RASGRF2: variants seen among roughly 807,000 people sequenced by gnomAD.
RASGRF2 encodes ras-specific guanine nucleotide-releasing factor 2.
Under a neutral mutation model 151.0 loss-of-function variants are expected in RASGRF2, and 76 were observed. That is an observed-to-expected ratio of 0.50 (90% confidence interval 0.42 to 0.61). The LOEUF is 0.61. Among genes scored for constraint, RASGRF2 ranks in the 20% least tolerant of loss-of-function variants. The pLI, the probability that RASGRF2 is intolerant of heterozygous loss-of-function variation, is 0.00. For synonymous variants in RASGRF2, 504 were observed against 566.5 expected, an observed-to-expected ratio of 0.89 and a Z score of 1.57; for missense variants, 1,148 against 1,564.6, an observed-to-expected ratio of 0.73 and a Z score of 4.49.
intron 15 of RASGRF2, 44 bp from the exon 16 acceptor site, chr5:81,123,598 G>C: frequency 6.3e-7 from 1 of 1,593,374 alleles, no homozygotes; most frequent in Non-Finnish European, 8.6e-7. Flanking sequence ...AGAAGCTCTT[G>C]AATTCATGGC....
rs772048877 is a variant in RASGRF2 at position 80,960,723 on chromosome 5, C to T, written c.-16C>T. On this transcript the variant is annotated 5_prime_UTR_variant, in exon 1 of 27. Coordinates refer to ENST00000265080, the MANE Select transcript of RASGRF2 (RefSeq NM_006909.3). This position sits in a 1 kb window ranked among gnomAD's most constrained non-coding sequence, Gnocchi z 5.5. ...GTGAGACCGGCGGCCACCCGTGAGC[C>T]CTCCGCACCCGCACCATGCAGAAGA... 6.6e-7 allele frequency: 1 copy of T among 1,521,224 alleles called. No homozygotes were observed. The highest frequency in any genetic ancestry group is 2.4e-5 in the East Asian group (1 of 41,402). The allele number at this position is 1,521,224 out of a possible 1,614,324, so 94.2% of individuals were successfully genotyped here.
At chr5:81,143,596 T>C (rs1441850682) in intron 17 of RASGRF2, among the ~76,000 whole-genome samples, 1 of 152,112 alleles carries the variant, frequency 6.6e-6, no homozygotes, top group Non-Finnish European at 1.5e-5. Flanking sequence ...ATTATCATCA[T>C]ATAAGATTAA....
At chr5:81,131,745 C>T (rs1753626192) in intron 17 of RASGRF2, among the ~76,000 whole-genome samples, 3 of 151,830 alleles carry the variant, frequency 2.0e-5, no homozygotes, top group South Asian at 4.2e-4. Flanking sequence ...CTTTTCCTTC[C>T]ATGTCATGCT....
At chr5:80,967,057 A>T (rs1580146111) in intron 1 of RASGRF2, among the ~76,000 whole-genome samples, 2 of 152,354 alleles carry the variant, frequency 1.3e-5, no homozygotes, top group South Asian at 4.1e-4. Context: ...ATCTGAGAAG[A>T]TAAAGATAAA....
chr5:81,115,437 G>A (rs191034493), intron 15 of RASGRF2, among the ~76,000 whole-genome samples: 2 of 152,318 alleles, frequency 1.3e-5, no homozygotes, highest in Admixed American at 1.3e-4. Context: ...GTTGCACCCA[G>A]CGCCAGTGCT....
intron 1 of RASGRF2, among the ~76,000 whole-genome samples, chr5:81,037,529 G>T (rs1016040361): frequency 2.6e-5 from 4 of 152,016 alleles, no homozygotes; most frequent in African/African-American, 9.7e-5. Context: ...GTCCCTTTGT[G>T]TGGATCTTTA....
chr5:81,033,341 A>T (rs1286960794), intron 1 of RASGRF2, among the ~76,000 whole-genome samples: 1 of 138,668 alleles, frequency 7.2e-6, no homozygotes, highest in African/African-American at 2.7e-5. Flanking sequence ...CATTGCCAAG[A>T]CAATCCTAAG....
At chr5:80,969,129 T>C (rs1747819469) in intron 1 of RASGRF2, among the ~76,000 whole-genome samples, 3 of 132,724 alleles carry the variant, frequency 2.3e-5, no homozygotes, top group Non-Finnish European at 4.9e-5. Context: ...GACTCTTTTT[T>C]TTTTTTTTTT....
intron 25 of RASGRF2, among the ~76,000 whole-genome samples, chr5:81,217,897 C>T (rs535502252): frequency 3.3e-5 from 5 of 152,204 alleles, no homozygotes; most frequent in South Asian, 2.1e-4. Flanking sequence ...CACCTGCCAC[C>T]ACGCCTGGCT....
At chr5:81,169,588 A>G (rs1754596699) in intron 17 of RASGRF2, among the ~76,000 whole-genome samples, 1 of 152,226 alleles carries the variant, frequency 6.6e-6, no homozygotes, top group Admixed American at 6.5e-5. Context: ...AGGACGCACC[A>G]TAATCCACTT....
intron 1 of RASGRF2, among the ~76,000 whole-genome samples, chr5:81,016,858 G>C (rs149711404): frequency 6.6e-6 from 1 of 152,152 alleles, no homozygotes; most frequent in Admixed American, 6.5e-5. Context: ...TGTCATTCAA[G>C]CTTAAAAAAT....
intron 22 of RASGRF2, among the ~76,000 whole-genome samples, chr5:81,212,005 GA>G (rs1252498032): frequency 6.6e-6 from 1 of 152,134 alleles, no homozygotes; most frequent in Admixed American, 6.5e-5. Flanking sequence ...AGGCCCCAGG[GA>G]GTGACATCCA....
chr5:81,116,627 C>T (rs457365), intron 15 of RASGRF2, among the ~76,000 whole-genome samples: 40,113 of 151,992 alleles, frequency 0.26, 5,649 homozygotes, highest in Middle Eastern at 0.4. Flanking sequence ...GAACGACAGA[C>T]CTCTATAACT....
intron 2 of RASGRF2, among the ~76,000 whole-genome samples, chr5:81,054,389 T>G (rs1380275849): frequency 1.4e-5 from 2 of 147,168 alleles, no homozygotes; most frequent in Non-Finnish European, 3.0e-5. Flanking sequence ...GGGAATCCTT[T>G]CCCCATTTCT....
intron 1 of RASGRF2, among the ~76,000 whole-genome samples, chr5:80,970,550 T>C (rs1312953608): frequency 6.6e-6 from 1 of 152,060 alleles, no homozygotes; most frequent in Admixed American, 6.6e-5. Context: ...TAGGTTTTTT[T>C]CCCCTAACTT....
At chr5:81,137,626 A>G (rs892517873) in intron 17 of RASGRF2, among the ~76,000 whole-genome samples, 2 of 152,188 alleles carry the variant, frequency 1.3e-5, no homozygotes, top group Non-Finnish European at 2.9e-5. Flanking sequence ...GATGAACCCT[A>G]TAAGGAGGCT....
chr5:81,077,472 C>T (rs1047806852), intron 5 of RASGRF2, among the ~76,000 whole-genome samples: 5 of 152,064 alleles, frequency 3.3e-5, no homozygotes, highest in South Asian at 2.1e-4. Context: ...GAGCCACTGG[C>T]GTGTCTGTAG....
chr5:80,991,333 G>A (rs1202401870), intron 1 of RASGRF2, among the ~76,000 whole-genome samples: 1 of 152,138 alleles, frequency 6.6e-6, no homozygotes, highest in Admixed American at 6.5e-5. Context: ...CCTGAGGTGG[G>A]AGGATCATTT....
At chr5:81,040,904 GCA>G (rs1344017376) in intron 1 of RASGRF2, among the ~76,000 whole-genome samples, 1 of 152,156 alleles carries the variant, frequency 6.6e-6, no homozygotes, top group African/African-American at 2.4e-5. Flanking sequence ...AACTCTGGAA[GCA>G]CTATTAGTTT....
Sources: allele counts gnomAD v4.1 joint callset (sites outside exome capture counted in the v4.1 genomes callset), GRCh38; gene constraint gnomAD v4.1.1; non-coding constraint Gnocchi (gnomAD v3.1); transcripts MANE v1.5; gene names NCBI Gene and HGNC (gene_info 2026-07-23, HGNC 2026-07-21).